Variants in FCHSD2 observed in about 807,000 individuals in gnomAD.
The protein encoded by FCHSD2 is FCH and double SH3 domains 2.
A neutral mutation model predicts 108.1 loss-of-function variants in FCHSD2; 38 were observed. That is an observed-to-expected ratio of 0.35 (90% confidence interval 0.27 to 0.46). FCHSD2 has a LOEUF of 0.46. FCHSD2 is among the 20% of genes least tolerant of loss of function. The pLI, the probability that FCHSD2 is intolerant of heterozygous loss-of-function variation, is 1.00. For missense variants in FCHSD2, 751 were observed against 897.8 expected (o/e 0.84, Z 2.09); for synonymous variants, 279 against 314.7 (o/e 0.89, Z 1.20).
intron 13 of FCHSD2, among the ~76,000 whole-genome samples, chr11:72,855,646 T>A (rs1249775926): frequency 6.6e-6 from 1 of 152,222 alleles, no homozygotes; most frequent in East Asian, 1.9e-4. Flanking sequence ...ACAAGGAGAA[T>A]AATTTTTTAA....
intron 14 of FCHSD2, among the ~76,000 whole-genome samples, chr11:72,848,913 G>C (rs1321050265): frequency 6.6e-6 from 1 of 152,112 alleles, no homozygotes; most frequent in African/African-American, 2.4e-5. Context: ...ATTTTCAAAA[G>C]ATTATCAAAA....
chr11:72,843,809 A>AC, intron 14 of FCHSD2: 1 of 338,850 alleles, frequency 3.0e-6, no homozygotes. Flanking sequence ...ACACAGCGAG[A>AC]CCCCCATCTC....
chr11:72,893,481 AT>A (rs1408353252), intron 10 of FCHSD2, among the ~76,000 whole-genome samples: 1 of 151,512 alleles, frequency 6.6e-6, no homozygotes, highest in East Asian at 1.9e-4. Context: ...CACGCAGATA[AT>A]TTTTTTGATT....
At chr11:73,052,471 G>C (rs1858923574) in intron 3 of FCHSD2, among the ~76,000 whole-genome samples, 4 of 152,028 alleles carry the variant, frequency 2.6e-5, no homozygotes, top group Admixed American at 2.6e-4. Flanking sequence ...GTGTAATTGT[G>C]AATTACTTAA....
At chr11:72,940,733 C>T in intron 8 of FCHSD2, 1 of 871,422 alleles carries the variant, frequency 1.1e-6, no homozygotes, top group Non-Finnish European at 1.9e-6. Context: ...CCTAAGGGTG[C>T]AACTAATGGC....
intron 2 of FCHSD2, among the ~76,000 whole-genome samples, chr11:73,096,685 G>A (rs1860085756): frequency 6.6e-6 from 1 of 152,120 alleles, no homozygotes; most frequent in African/African-American, 2.4e-5. Context: ...TAGGGAAAGT[G>A]TTCAGTCTTT....
intron 2 of FCHSD2, among the ~76,000 whole-genome samples, chr11:73,096,781 C>T (rs555184511): frequency 2.5e-4 from 38 of 151,122 alleles, no homozygotes; most frequent in African/African-American, 8.3e-4. Flanking sequence ...CAGCCTAGAC[C>T]GTGTCACTAC....
At chr11:73,068,187 C>T (rs1289397282) in intron 3 of FCHSD2, among the ~76,000 whole-genome samples, 1 of 151,888 alleles carries the variant, frequency 6.6e-6, no homozygotes, top group Admixed American at 6.6e-5. Flanking sequence ...CACAGGCAAA[C>T]CATATCAGTA....
chr11:72,884,915 C>A (rs1855165368), intron 12 of FCHSD2, among the ~76,000 whole-genome samples: 1 of 152,100 alleles, frequency 6.6e-6, no homozygotes, highest in South Asian at 2.1e-4. Context: ...GTTTTAATAG[C>A]AGGGTCACTC....
chr11:72,934,110 GAAAAAAAA>G (rs375464183), intron 8 of FCHSD2, among the ~76,000 whole-genome samples: 13 of 50,890 alleles, frequency 2.6e-4, no homozygotes, highest in African/African-American at 4.2e-4. Flanking sequence ...CACTGTCTCA[GAAAAAAAA>G]AAAAAAAAAA....
At position 73,117,500 on chromosome 11, in the gene FCHSD2, T is replaced by C. The variant is rs557754938; in HGVS notation, c.119+22531A>G. On this transcript the variant is annotated intron_variant, in intron 2 of 19. Coordinates refer to ENST00000409418, the MANE Select transcript of FCHSD2 (RefSeq NM_014824.3). ...TTTCTAACAAATTCATTAAGAGCTA[T>C]AAATTTCCTTTTGAATCATACCCTA... Among the ~76,000 whole-genome samples, 8 of 152,372 alleles carry C rather than the reference T, an allele frequency of 5.3e-5. No individual in the cohort carries two copies. The East Asian group carries it at 1.2e-3, about 22-fold the overall frequency.
At chr11:72,928,235 T>C (rs1360584164) in intron 8 of FCHSD2, among the ~76,000 whole-genome samples, 1 of 152,000 alleles carries the variant, frequency 6.6e-6, no homozygotes, top group Non-Finnish European at 1.5e-5. Context: ...GAATAACATA[T>C]TAGGGAAAAA....
intron 3 of FCHSD2, among the ~76,000 whole-genome samples, chr11:73,044,788 G>A (rs1858718260): frequency 6.6e-6 from 1 of 152,018 alleles, no homozygotes; most frequent in African/African-American, 2.4e-5. Flanking sequence ...ACTAAGGATG[G>A]GGCTGGGCAC....
In FCHSD2 at chr11:73,142,298, T is replaced by A; in HGVS notation, c.-421A>T. The stretch of plus-strand genomic sequence containing the variant: ...ACGCAGCGGCCCCCACCCCACCCAC[T>A]CAGGCGGCCCGGCCCTCGCTGGGCC... On this transcript the variant is annotated 5_prime_UTR_variant, in exon 1 of 20. Coordinates refer to ENST00000409418, the MANE Select transcript of FCHSD2 (RefSeq NM_014824.3). The A allele has an allele frequency of 6.8e-6, 1 of 147,168 alleles. No homozygotes were observed. The highest frequency in any genetic ancestry group is 1.5e-5 in the Non-Finnish European group (1 of 66,706). The allele number at this position is 147,168 out of a possible 1,614,324, so 9.1% of individuals were successfully genotyped here.
chr11:73,041,894 C>T (rs1012979013), intron 3 of FCHSD2, among the ~76,000 whole-genome samples: 5 of 151,950 alleles, frequency 3.3e-5, no homozygotes, highest in Admixed American at 2.0e-4. Context: ...GTTTTGGGTC[C>T]TAGGTTTAAG....
At chr11:73,071,192 T>G (rs1220831106) in intron 3 of FCHSD2, among the ~76,000 whole-genome samples, 2 of 152,206 alleles carry the variant, frequency 1.3e-5, no homozygotes, top group Admixed American at 1.3e-4. Flanking sequence ...CATCCTGATC[T>G]CTCTACTCCC....
chr11:72,903,690 T>C (rs1855574634), intron 9 of FCHSD2, among the ~76,000 whole-genome samples: 1 of 152,168 alleles, frequency 6.6e-6, no homozygotes, highest in Non-Finnish European at 1.5e-5. Flanking sequence ...GCTTACCCCT[T>C]ACTTGTCTTT....
chr11:73,083,104 T>A (rs965417546), intron 3 of FCHSD2, among the ~76,000 whole-genome samples: 3 of 152,170 alleles, frequency 2.0e-5, no homozygotes, highest in Non-Finnish European at 4.4e-5. Flanking sequence ...ATGGGGCATA[T>A]AAAGAAGAAT....
chr11:73,117,928 T>A (rs1461853384), intron 2 of FCHSD2, among the ~76,000 whole-genome samples: 1 of 152,250 alleles, frequency 6.6e-6, no homozygotes, highest in Non-Finnish European at 1.5e-5. Context: ...TATCTTTTTA[T>A]GTAAAACTAC....
Sources: gnomAD v4.1 joint callset for allele counts (sites outside exome capture counted in the v4.1 genomes callset) on GRCh38, gnomAD v4.1.1 for gene constraint, MANE v1.5 for transcripts, NCBI Gene and HGNC (gene_info 2026-07-23, HGNC 2026-07-21) for gene names.